The following L3MBTL4 variants were observed in gnomAD, a reference collection of about 807,000 sequenced individuals.
L3MBTL4 encodes the protein lethal(3)malignant brain tumor-like protein 4.
Under a neutral mutation model 84.5 loss-of-function variants are expected in L3MBTL4, and 70 were observed. The observed-to-expected ratio is 0.83, with a 90% confidence interval of 0.68 to 1.01. The LOEUF is 1.01. Ranked by LOEUF, L3MBTL4 falls within the 50% of genes least tolerant of loss-of-function variation. The pLI is 0.00. For synonymous variants in L3MBTL4, 274 were observed against 259.8 expected, an observed-to-expected ratio of 1.05 and a Z score of -0.52; for missense variants, 715 against 754.8, an observed-to-expected ratio of 0.95 and a Z score of 0.62.
intron 1 of L3MBTL4, among the ~76,000 whole-genome samples, chr18:6,343,360 C>T (rs902690081): frequency 5.3e-5 from 8 of 152,104 alleles, no homozygotes; most frequent in African/African-American, 1.9e-4. Flanking sequence ...CAAGTCTTAA[C>T]AAATTTAAGA....
intron 18 of L3MBTL4, among the ~76,000 whole-genome samples, chr18:5,958,133 G>GAAGAAGAAGAAGAAGAAGAAA (rs2095242721): frequency 5.2e-5 from 3 of 58,046 alleles, no homozygotes; most frequent in East Asian, 4.5e-4. Flanking sequence ...AGAAGAAAAA[G>GAAGAAGAAGAAGAAGAAGAAA]AAGAAGAAGA....
At chr18:5,981,536 C>T (rs2053216028) in intron 16 of L3MBTL4, among the ~76,000 whole-genome samples, 1 of 152,146 alleles carries the variant, frequency 6.6e-6, no homozygotes, top group Admixed American at 6.5e-5. Context: ...GTTCCAAGGG[C>T]TAGGTGCAGT....
chr18:6,384,397 A>T (rs2054727935), intron 1 of L3MBTL4, among the ~76,000 whole-genome samples: 2 of 152,188 alleles, frequency 1.3e-5, no homozygotes, highest in Non-Finnish European at 2.9e-5. Flanking sequence ...AGAAAGGCAC[A>T]AAGTGGTACT....
At position 6,072,881 on chromosome 18, in the gene L3MBTL4, AATATATATATATATAT is replaced by A. The variant is rs71163258; in HGVS notation, c.1444+7984_1444+7999del. Among the ~76,000 whole-genome samples the A allele has an allele frequency of 5.7e-3, 117 of 20,404 alleles. 3 individuals carry two copies. Among genetic ancestry groups the A allele is most frequent in the East Asian group, 0.033 (23 of 690 alleles). 13.4% of individuals were successfully genotyped at this position (20,404 alleles called of 152,430 possible). ...ACTCCGTCTCAAAAAAAAAAAAAAAAATATATATATATATATATATATATATATATATATATATATA... is the reference window on the plus strand; with the variant it reads ...ACTCCGTCTCAAAAAAAAAAAAAAAAATATATATATATATATATATATATA... On this transcript the variant is annotated intron_variant, in intron 16 of 18. Coordinates refer to ENST00000317931, the MANE Select transcript of L3MBTL4 (RefSeq NM_001330559.2).
chr18:6,060,359 T>C (rs2057166975), intron 16 of L3MBTL4, among the ~76,000 whole-genome samples: 1 of 151,878 alleles, frequency 6.6e-6, no homozygotes, highest in Admixed American at 6.6e-5. Context: ...TACTGCTGAG[T>C]CATTATGAAG....
intron 4 of L3MBTL4, among the ~76,000 whole-genome samples, chr18:6,293,435 CA>C (rs1328412485): frequency 6.6e-6 from 1 of 151,602 alleles, no homozygotes; most frequent in Non-Finnish European, 1.5e-5. Flanking sequence ...ACTCACTGGC[CA>C]AACTGGGGAC....
At chr18:6,344,026 G>A (rs1458263030) in intron 1 of L3MBTL4, among the ~76,000 whole-genome samples, 15 of 144,846 alleles carry the variant, frequency 1.0e-4, no homozygotes, top group East Asian at 3.9e-4. Context: ...AGGCCCAAAC[G>A]GCAGAAGGAA....
chr18:6,045,607 C>T (rs761958552), intron 16 of L3MBTL4, among the ~76,000 whole-genome samples: 22 of 152,136 alleles, frequency 1.4e-4, no homozygotes, highest in Non-Finnish European at 2.6e-4. Flanking sequence ...CCTCATGAGA[C>T]TCACCATCAT....
chr18:6,099,904 AT>A (rs1414346964), intron 14 of L3MBTL4, among the ~76,000 whole-genome samples: 1 of 152,092 alleles, frequency 6.6e-6, no homozygotes, highest in East Asian at 1.9e-4. Flanking sequence ...GTTGGATGAA[AT>A]GCATTTGATT....
chr18:6,148,773 A>G (rs2042761172), intron 13 of L3MBTL4, among the ~76,000 whole-genome samples: 1 of 152,228 alleles, frequency 6.6e-6, no homozygotes, highest in South Asian at 2.1e-4. Context: ...GTTAAGAGTT[A>G]TTGGCATACA....
chr18:6,189,432 G>C (rs1307311463), intron 12 of L3MBTL4, among the ~76,000 whole-genome samples: 1 of 152,136 alleles, frequency 6.6e-6, no homozygotes, highest in African/African-American at 2.4e-5. Context: ...CAGAAGAAAA[G>C]GCACGGCCCT....
At chr18:6,282,413 C>A (rs1326713540) in intron 4 of L3MBTL4, among the ~76,000 whole-genome samples, 3 of 152,102 alleles carry the variant, frequency 2.0e-5, no homozygotes, top group African/African-American at 4.8e-5. Context: ...CTTTTAGCAA[C>A]ACATGTACCT....
intron 1 of L3MBTL4, among the ~76,000 whole-genome samples, chr18:6,404,894 C>G (rs2055660869): frequency 6.6e-6 from 1 of 151,362 alleles, no homozygotes; most frequent in Non-Finnish European, 1.5e-5. Context: ...CACTATGTTG[C>G]CCACGTTGCC....
intron 12 of L3MBTL4, among the ~76,000 whole-genome samples, chr18:6,195,482 C>A (rs1268466817): frequency 6.6e-6 from 1 of 152,144 alleles, no homozygotes; most frequent in African/African-American, 2.4e-5. Context: ...GCGGAAGCTG[C>A]AGGATATTTT....
chr18:6,077,620 C>T (rs886604261), intron 16 of L3MBTL4, among the ~76,000 whole-genome samples: 2 of 151,626 alleles, frequency 1.3e-5, no homozygotes, highest in Non-Finnish European at 2.9e-5. Flanking sequence ...ACAGAATCTG[C>T]GTGTGCATCT....
chr18:6,166,383 C>A (rs985888798), intron 13 of L3MBTL4, among the ~76,000 whole-genome samples: 2 of 152,288 alleles, frequency 1.3e-5, no homozygotes, highest in Non-Finnish European at 2.9e-5. Context: ...ACATTTTTTT[C>A]AGCACCACAT....
At chr18:6,220,173 G>A (rs904737996) in intron 10 of L3MBTL4, among the ~76,000 whole-genome samples, 25 of 152,128 alleles carry the variant, frequency 1.6e-4, no homozygotes, top group Admixed American at 6.5e-4. Context: ...AAGCAAAAAA[G>A]GAAACATGTA....
intron 18 of L3MBTL4, among the ~76,000 whole-genome samples, chr18:5,958,978 G>A (rs12606943): frequency 1.0e-3 from 157 of 152,190 alleles, no homozygotes; most frequent in African/African-American, 3.6e-3. Flanking sequence ...TGTGAACGTG[G>A]CCAACTATGC....
At chr18:6,267,774 T>C (rs1012620955) in intron 4 of L3MBTL4, among the ~76,000 whole-genome samples, 1 of 152,178 alleles carries the variant, frequency 6.6e-6, no homozygotes, top group Non-Finnish European at 1.5e-5. Context: ...AAAATAAGAA[T>C]ACATAATATC....
Sources: gnomAD v4.1 joint callset for allele counts (sites outside exome capture counted in the v4.1 genomes callset) on GRCh38, gnomAD v4.1.1 for gene constraint, MANE v1.5 for transcripts, NCBI Gene and HGNC (gene_info 2026-07-23, HGNC 2026-07-21) for gene names.